CDH13: variants seen among roughly 807,000 people sequenced by gnomAD.
CDH13 encodes cadherin-13.
In CDH13, 24 loss-of-function variants were observed where a neutral mutation model predicts 63.8. The ratio of observed to expected loss-of-function variants is 0.38; its 90% CI spans 0.27 to 0.53. The LOEUF (loss-of-function observed/expected upper bound fraction) is 0.53, where lower values mean the gene tolerates loss of function less well. Ranked by LOEUF, CDH13 falls within the 20% of genes least tolerant of loss-of-function variation. The pLI is 0.85. For missense variants in CDH13, 1,049 were observed against 903.1 expected, an observed-to-expected ratio of 1.16 and a Z score of -2.07; for synonymous variants, 503 against 355.3, an observed-to-expected ratio of 1.42 and a Z score of -4.67.
chr16:83,757,737 C>CA (rs1567576066), intron 11 of CDH13, among the ~76,000 whole-genome samples: 1 of 152,000 alleles, frequency 6.6e-6, no homozygotes, highest in Non-Finnish European at 1.5e-5. Flanking sequence ...CTATAGCCAT[C>CA]AAAAAGATAC....
At chr16:83,099,700 C>G (rs1268792088) in intron 3 of CDH13, among the ~76,000 whole-genome samples, 3 of 151,528 alleles carry the variant, frequency 2.0e-5, no homozygotes, top group African/African-American at 4.8e-5. Flanking sequence ...TAACTTTGAA[C>G]CATTCTTTGC....
chr16:82,783,533 G>A (rs1351353117), intron 1 of CDH13, among the ~76,000 whole-genome samples: 2 of 152,216 alleles, frequency 1.3e-5, no homozygotes, highest in Non-Finnish European at 2.9e-5. Flanking sequence ...AGTGACAGCA[G>A]CCCTGAGGAT....
At chr16:83,267,669 A>G (rs755928878) in intron 5 of CDH13, among the ~76,000 whole-genome samples, 2 of 152,184 alleles carry the variant, frequency 1.3e-5, no homozygotes, top group Admixed American at 6.5e-5. Context: ...CTCACTCATC[A>G]TATGATGCCT....
At chr16:82,969,704 A>G (rs1269396823) in intron 2 of CDH13, among the ~76,000 whole-genome samples, 2 of 152,136 alleles carry the variant, frequency 1.3e-5, no homozygotes, top group African/African-American at 4.8e-5. Context: ...GTCTCCGGAC[A>G]TCGTAAAATT....
At chr16:82,907,236 G>A (rs543457385) in intron 2 of CDH13, among the ~76,000 whole-genome samples, 75 of 152,070 alleles carry the variant, frequency 4.9e-4, no homozygotes, top group Admixed American at 7.9e-4. Context: ...AAAAGAACGC[G>A]AACCAAAGCT....
chr16:83,123,029 A>G (rs2035654535), intron 3 of CDH13, among the ~76,000 whole-genome samples: 1 of 151,774 alleles, frequency 6.6e-6, no homozygotes, highest in Admixed American at 6.6e-5. Context: ...AATATGCGGC[A>G]TTTTTCTGTT....
intron 3 of CDH13, among the ~76,000 whole-genome samples, chr16:83,040,623 T>C (rs1035293201): frequency 1.3e-5 from 2 of 152,306 alleles, no homozygotes; most frequent in East Asian, 3.9e-4. Context: ...GATTAGTTGA[T>C]GCCCACCCAG....
intron 1 of CDH13, among the ~76,000 whole-genome samples, chr16:82,754,817 AAAAT>A (rs1378345023): frequency 6.6e-6 from 1 of 152,234 alleles, no homozygotes; most frequent in Non-Finnish European, 1.5e-5. Flanking sequence ...ATAATACAAA[AAAAT>A]CCAAACCTTA....
At chr16:83,721,185 A>G (rs1909646862) in intron 10 of CDH13, 1 of 152,186 alleles carries the variant, frequency 6.6e-6, no homozygotes, top group South Asian at 2.1e-4. Flanking sequence ...GAAGGTCACC[A>G]CCAGTAGCCA....
intron 10 of CDH13, among the ~76,000 whole-genome samples, chr16:83,687,647 A>G (rs1904440980): frequency 6.6e-6 from 1 of 152,222 alleles, no homozygotes. Context: ...TAATCTTCAA[A>G]CATTGACTAA....
chr16:83,643,152 AG>A (rs1430206638), intron 8 of CDH13, among the ~76,000 whole-genome samples: 1 of 59,822 alleles, frequency 1.7e-5, no homozygotes, highest in Non-Finnish European at 3.0e-5. Flanking sequence ...GGGAGGGGGG[AG>A]GGATAGCATT....
Position 83,286,351 on chromosome 16 carries a change from C to T in CDH13, c.637-58511C>T, listed in dbSNP as rs771596926. On this transcript the variant is annotated intron_variant, in intron 5 of 13. Coordinates refer to ENST00000567109, the MANE Select transcript of CDH13 (RefSeq NM_001257.5). ...TGGTGAACCCAAAGAGTTCTATCCTCAGGGCATCTGCTAGCCCCTGTGGTA... is the reference window on the plus strand; with the variant it reads ...TGGTGAACCCAAAGAGTTCTATCCTTAGGGCATCTGCTAGCCCCTGTGGTA... Among the ~76,000 whole-genome samples the T allele has an allele frequency of 1.3e-5, 2 of 152,170 alleles. 1 individual carries two copies. Among genetic ancestry groups the T allele is most frequent in the African/African-American group, 4.8e-5 (2 of 41,446 alleles).
chr16:83,693,598 G>C (rs1463584161), intron 10 of CDH13, among the ~76,000 whole-genome samples: 1 of 152,210 alleles, frequency 6.6e-6, no homozygotes. Context: ...TTTGCCATCT[G>C]CTGTTTGCTT....
At chr16:83,635,393 G>C (rs1366303910) in intron 8 of CDH13, among the ~76,000 whole-genome samples, 1 of 120,926 alleles carries the variant, frequency 8.3e-6, no homozygotes, top group Non-Finnish European at 1.6e-5. Flanking sequence ...GCCCAGGCTG[G>C]AGTCCAGGGG....
chr16:83,367,616 T>C (rs569679112), intron 6 of CDH13, among the ~76,000 whole-genome samples: 2 of 152,332 alleles, frequency 1.3e-5, no homozygotes, highest in African/African-American at 4.8e-5. Flanking sequence ...CCATCAGCAG[T>C]GTATGAGGGT....
intron 1 of CDH13, among the ~76,000 whole-genome samples, chr16:82,701,374 T>G (rs573513861): frequency 2.0e-5 from 3 of 152,290 alleles, no homozygotes; most frequent in African/African-American, 7.2e-5. Flanking sequence ...TTACTAAGAC[T>G]TTTAACATTT....
At chr16:83,622,350 C>A (rs531380878) in intron 8 of CDH13, among the ~76,000 whole-genome samples, 2 of 152,296 alleles carry the variant, frequency 1.3e-5, no homozygotes, top group East Asian at 3.9e-4. Context: ...TCTACACACT[C>A]TTCCGGCCCC....
At chr16:83,007,758 G>A (rs1410989998) in intron 2 of CDH13, among the ~76,000 whole-genome samples, 1 of 151,616 alleles carries the variant, frequency 6.6e-6, no homozygotes, top group Non-Finnish European at 1.5e-5. Context: ...CAGGAGGCGG[G>A]GGTGGCAGTG....
intron 7 of CDH13, among the ~76,000 whole-genome samples, chr16:83,518,361 G>A (rs1230820194): frequency 6.6e-6 from 1 of 151,802 alleles, no homozygotes; most frequent in Non-Finnish European, 1.5e-5. Context: ...TAGCCAGGAT[G>A]GTCTCGATCT....
Sources: gnomAD v4.1 joint callset for allele counts (sites outside exome capture counted in the v4.1 genomes callset) on GRCh38, gnomAD v4.1.1 for gene constraint, MANE v1.5 for transcripts, NCBI Gene and HGNC (gene_info 2026-07-23, HGNC 2026-07-21) for gene names.